The following HAUS7 variants were observed in gnomAD, a reference collection of about 807,000 sequenced individuals.
The protein encoded by HAUS7 is HAUS augmin-like complex subunit 7.
A neutral mutation model predicts 28.4 loss-of-function variants in HAUS7; 3 were observed. That is an observed-to-expected ratio of 0.11 (90% CI 0.05 to 0.27). The LOEUF (loss-of-function observed/expected upper bound fraction) is 0.27. Ranked by LOEUF, HAUS7 falls within the 10% of genes least tolerant of loss-of-function variation. The pLI, the probability that HAUS7 is intolerant of heterozygous loss-of-function variation, is 1.00. For missense variants in HAUS7, 284 were observed against 297.3 expected (o/e 0.96, Z 0.33); for synonymous variants, 165 against 132.1 (o/e 1.25, Z -1.71).
upstream of HAUS7, among the ~76,000 whole-genome samples, chrX:153,474,692 C>T (rs1390026320): frequency 1.0e-5 from 1 of 97,846 alleles, no homozygotes; most frequent in African/African-American, 4.0e-5. Context: ...TTGCAGTGGA[C>T]GCAACGGGAG....
At chrX:153,455,229 G>A (rs1186815662) in intron 8 of HAUS7, 3 of 428,359 alleles carry the variant, frequency 7.0e-6, no homozygotes, top group East Asian at 4.4e-5. Flanking sequence ...ACAACAGTGC[G>A]GCCAACACAG....
intron 9 of HAUS7, among the ~76,000 whole-genome samples, chrX:153,449,281 G>A (rs2089207952): frequency 8.9e-6 from 1 of 112,171 alleles, no homozygotes; most frequent in Non-Finnish European, 1.9e-5. Context: ...CCCATCCCGA[G>A]GGTGACTCTG....
intron 1 of HAUS7, chrX:153,482,994 C>T: frequency 8.2e-6 from 1 of 122,568 alleles, no homozygotes; most frequent in Non-Finnish European, 1.6e-5. Context: ...ACTCACGAGG[C>T]TTCAGGCCTC....
chrX:153,479,912 G>A (rs1556986943), intron 1 of HAUS7, among the ~76,000 whole-genome samples: 1 of 111,697 alleles, frequency 9.0e-6, no homozygotes. Context: ...GAGGACAGGA[G>A]GCATTGGGGT....
intron 8 of HAUS7, chrX:153,455,121 G>A (rs3752409): frequency 0.12 from 78,901 of 632,296 alleles, 3,950 homozygotes; most frequent in East Asian, 0.34. Flanking sequence ...GTCTGAGCAG[G>A]CTCATGGGCA....
Position 153,455,603 on chromosome X carries a change from T to A in HAUS7, c.869A>T (p.Asp290Val). ...LGECCQRPGP[D>V]LHPCGPIIQA... Reference sequence around the variant, plus strand: ...GATGATGGGGCCGCACGGGTGGAGGTCAGGGCCTGGGCGCTGGCAGCACTC... The same window carrying A: ...GATGATGGGGCCGCACGGGTGGAGGACAGGGCCTGGGCGCTGGCAGCACTC... The change falls in exon 8 of 10, where the codon GAC becomes GTC. Residue 290 changes from aspartate (D) to valine (V), a missense_variant. Transcript: ENST00000370211. 8.3e-7 allele frequency: 1 copy of A among 1,209,589 alleles called. No homozygotes were observed. The highest frequency in any genetic ancestry group is 3.0e-5 in the East Asian group (1 of 33,834).
chrX:153,494,752 T>TGG (rs2089695122), intron 1 of HAUS7, among the ~76,000 whole-genome samples: 1 of 11,467 alleles, frequency 8.7e-5, no homozygotes, highest in Admixed American at 1.0e-3. Context: ...GGGGGGGAGG[T>TGG]GGTGGGGGCG....
chrX:153,486,935 AC>A, intron 1 of HAUS7: 1 of 582,838 alleles, frequency 1.7e-6, no homozygotes, highest in Non-Finnish European at 2.4e-6. Flanking sequence ...CTTCCAGTGC[AC>A]CCACTTCCCA....
chrX:153,471,453 T>G (rs1556985347), upstream of HAUS7, among the ~76,000 whole-genome samples: 1 of 112,378 alleles, frequency 8.9e-6, no homozygotes, highest in Non-Finnish European at 1.9e-5. Context: ...TCTACATCCC[T>G]CAGGACCCTC....
chrX:153,470,398 C>T, intron 1 of HAUS7, 52 bp downstream of exon 1: 1 of 1,164,947 alleles, frequency 8.6e-7, no homozygotes, highest in Non-Finnish European at 1.2e-6. Flanking sequence ...GGGCCTCGGG[C>T]GGGGCCCTCC....
chrX:153,462,691 C>T lies in HAUS7; in HGVS notation c.293-20G>A, dbSNP rs782524312. On this transcript the variant is annotated intron_variant, in intron 3 of 9. Transcript: ENST00000370211. ...TCATTTCTGTTGAAACACAAAGAGCCCATCATGGCAGGCACCTGCCCAGAC... is the reference window on the plus strand; with the variant it reads ...TCATTTCTGTTGAAACACAAAGAGCTCATCATGGCAGGCACCTGCCCAGAC... 6 of 1,165,294 alleles carry T rather than the reference C, an allele frequency of 5.1e-6. No individual in the cohort carries two copies. Among genetic ancestry groups the T allele is most frequent in the Middle Eastern group, 2.4e-4 (1 of 4,213 alleles).
intron 9 of HAUS7, among the ~76,000 whole-genome samples, chrX:153,450,931 CGT>C (rs2089231948): frequency 8.9e-6 from 1 of 112,125 alleles, no homozygotes; most frequent in Non-Finnish European, 1.9e-5. Flanking sequence ...TGGCCTTTGG[CGT>C]GGATTTGATG....
rs1311472641 is a variant in HAUS7 at position 153,465,072 on chromosome X, G to A, written c.225-17C>T. On this transcript the variant is annotated splice_polypyrimidine_tract_variant and intron_variant, in intron 2 of 9. Transcript: ENST00000370211. ...GGCCAGACCCTGCAGGGAAACAGCA[G>A]AGCTGGTCAGGCCGGAGACAGCCAG... The A allele has an allele frequency of 1.8e-6, 2 of 1,141,814 alleles. No individual in the cohort carries two copies. The highest frequency in any genetic ancestry group is 2.4e-6 in the Non-Finnish European group (2 of 834,055). The allele number at this position is 1,141,814 out of a possible 1,213,427, so 94.1% of individuals were successfully genotyped here. A position where few individuals can be genotyped will look rare whatever the true frequency, so the allele number is the denominator to read the frequency against.
intron 8 of HAUS7, 165 bp from the exon 9 acceptor site, chrX:153,454,673 C>T (rs1187018151): frequency 3.8e-5 from 18 of 473,684 alleles, no homozygotes; most frequent in Non-Finnish European, 6.2e-5. Context: ...GAACTCCCAG[C>T]GGGGAAGTCA....
Position 153,454,510 on chromosome X carries a change from T to TGGGG in HAUS7, c.931-6_931-3dup. Reference sequence around the variant, plus strand: ...AACTGCCATGACCACTTGCAGCAGCTGGGGAGGGAGGGAGGGAGGGAGGGA... The same window carrying TGGGG: ...AACTGCCATGACCACTTGCAGCAGCTGGGGGGGGAGGGAGGGAGGGAGGGAGGGA... On this transcript the variant is annotated splice_region_variant and splice_polypyrimidine_tract_variant and intron_variant, in intron 8 of 9. Coordinates refer to ENST00000370211, the MANE Select transcript of HAUS7 (RefSeq NM_001385482.1). 7.5e-6 allele frequency: 1 copy of TGGGG among 132,715 alleles called. No individual in the cohort carries two copies. The highest frequency in any genetic ancestry group is 1.6e-5 in the Non-Finnish European group (1 of 60,950). 10.9% of individuals were successfully genotyped at this position (132,715 alleles called of 1,213,427 possible).
intron 2 of HAUS7, among the ~76,000 whole-genome samples, chrX:153,467,378 G>A (rs1195073689): frequency 9.0e-6 from 1 of 111,384 alleles, no homozygotes; most frequent in African/African-American, 3.3e-5. Context: ...ATCTCAGCAC[G>A]TCGCTCCCCA....
rs1556984767 is a variant in HAUS7 at position 153,469,212 on chromosome X, G to C, written c.158C>G (p.Thr53Arg). 4 of 1,200,091 alleles carry C rather than the reference G, an allele frequency of 3.3e-6. No homozygotes were observed. In the Admixed American group the frequency reaches 6.5e-5, roughly 20 times the overall value. Residue 53 changes from threonine (T) to arginine (R), a missense_variant, in exon 2 of 10, where the codon ACA (threonine) becomes AGA (arginine). Physicochemically the swap from Thr to Arg is moderately conservative, Grantham distance 71 (BLOSUM62 -1). Coordinates refer to ENST00000370211, the MANE Select transcript of HAUS7 (RefSeq NM_001385482.1). ...LEGLYITEPK[T>R]IQELLCSPSE... ...GGGGCTGCACAGCAGTTCCTGAATT[G>C]TCTTTGGCTCTGTGATATACAGACC...
At chrX:153,492,071 G>A (rs372743876) in intron 1 of HAUS7, among the ~76,000 whole-genome samples, 5 of 112,276 alleles carry the variant, frequency 4.5e-5, no homozygotes, top group Admixed American at 2.8e-4. Context: ...CTGTGTGTCC[G>A]CCTCCTCCCC....
At chrX:153,480,544 G>T (rs1308067093) in intron 1 of HAUS7, 2 of 751,060 alleles carry the variant, frequency 2.7e-6, no homozygotes, top group Non-Finnish European at 3.1e-6. Context: ...GGGGAAAGGA[G>T]GCAAGGCCCC....
Sources: allele counts gnomAD v4.1 joint callset (sites outside exome capture counted in the v4.1 genomes callset), GRCh38; gene constraint gnomAD v4.1.1; transcripts MANE v1.5; gene names NCBI Gene and HGNC (gene_info 2026-07-23, HGNC 2026-07-21).